Variants in RBM47 observed in about 807,000 individuals in gnomAD.
RBM47 encodes RNA binding motif protein 47.
Under a neutral mutation model 47.1 loss-of-function variants are expected in RBM47, and 21 were observed. That is an observed-to-expected ratio of 0.45 (90% CI 0.32 to 0.64). RBM47 has a LOEUF of 0.64. Among genes scored for constraint, RBM47 ranks in the 30% least tolerant of loss-of-function variants. RBM47 has a pLI of 0.05. For synonymous variants in RBM47, 375 were observed against 361.7 expected (o/e 1.04, Z -0.42); for missense variants, 708 against 870.9 (o/e 0.81, Z 2.35).
At chr4:40,595,991 C>G (rs1195721913) in intron 1 of RBM47, among the ~76,000 whole-genome samples, 1 of 152,116 alleles carries the variant, frequency 6.6e-6, no homozygotes, top group Non-Finnish European at 1.5e-5. Flanking sequence ...AGTGTGGACG[C>G]AGCCTCTCTG....
intron 1 of RBM47, among the ~76,000 whole-genome samples, chr4:40,604,700 T>C (rs1735588783): frequency 6.6e-6 from 1 of 151,638 alleles, no homozygotes; most frequent in African/African-American, 2.4e-5. Context: ...CATTTCACGA[T>C]TGCCACATGG....
chr4:40,600,125 C>T (rs1008181714), intron 1 of RBM47, among the ~76,000 whole-genome samples: 5 of 152,082 alleles, frequency 3.3e-5, no homozygotes, highest in Non-Finnish European at 7.4e-5. Context: ...CCTCCCACCT[C>T]AGCCTCCTGA....
intron 5 of RBM47, among the ~76,000 whole-genome samples, chr4:40,435,410 A>AT (rs537470325): frequency 1.8e-4 from 28 of 152,066 alleles, no homozygotes; most frequent in Non-Finnish European, 3.7e-4. Context: ...TTAGCCAGGC[A>AT]TGGTGGTGCG....
Position 40,425,852 on chromosome 4 carries a change from A to AGCGTTCCT in RBM47, c.*44_*51dup. On this transcript the variant is annotated 3_prime_UTR_variant, in exon 7 of 7. Coordinates refer to ENST00000295971, the MANE Select transcript of RBM47 (RefSeq NM_001098634.2). ...CATGTTCCTTCTTCATAAATAGTCA[A>AGCGTTCCT]GCGTTCCTTCAGTGGTGTTTGTGTG... 1 of 1,583,056 alleles carries AGCGTTCCT rather than the reference A, an allele frequency of 6.3e-7. No homozygotes were observed. The highest frequency in any genetic ancestry group is 1.1e-5 in the South Asian group (1 of 88,668).
chr4:40,436,401 T>C, intron 5 of RBM47, 40 bp downstream of exon 5: 1 of 1,581,668 alleles, frequency 6.3e-7, no homozygotes, highest in Non-Finnish European at 8.7e-7. Context: ...GGCTGGGGTT[T>C]ATGCTGAATG....
chr4:40,516,502 C>T (rs1008533964), intron 2 of RBM47, among the ~76,000 whole-genome samples: 16 of 152,078 alleles, frequency 1.1e-4, no homozygotes, highest in African/African-American at 2.4e-4. Context: ...TCAGGTGATC[C>T]GCCCGCCTTG....
In RBM47 at chr4:40,628,631, G is replaced by A. The variant is rs1473758591; in HGVS notation, c.-240+765C>T. ...TTTTAAAATCTATATTCCTGCTAAA[G>A]AAAACAGTGAGTCATTAAAATACCA... On this transcript the variant is annotated intron_variant, in intron 1 of 6. Coordinates refer to ENST00000295971, the MANE Select transcript of RBM47 (RefSeq NM_001098634.2). The surrounding 1 kb of genome is among the most constrained non-coding windows in gnomAD (Gnocchi z 4.0). Among the ~76,000 whole-genome samples, 1 of 151,574 alleles carries A rather than the reference G, an allele frequency of 6.6e-6. No homozygotes were observed. The highest frequency in any genetic ancestry group is 2.1e-4 in the South Asian group (1 of 4,798).
At chr4:40,578,445 TA>T (rs1183621272) in intron 1 of RBM47, among the ~76,000 whole-genome samples, 3 of 152,240 alleles carry the variant, frequency 2.0e-5, no homozygotes, top group Non-Finnish European at 4.4e-5. Context: ...AACTTTAAAC[TA>T]AATTTGTTGC....
At chr4:40,463,711 G>A (rs754622103) in intron 3 of RBM47, among the ~76,000 whole-genome samples, 1 of 151,100 alleles carries the variant, frequency 6.6e-6, no homozygotes, top group South Asian at 2.1e-4. Flanking sequence ...GAGGGAATAG[G>A]CTTTTATTAG....
chr4:40,551,466 A>G (rs187424380), intron 1 of RBM47, among the ~76,000 whole-genome samples: 213 of 152,234 alleles, frequency 1.4e-3, no homozygotes, highest in African/African-American at 4.8e-3. Flanking sequence ...ACAAAGAAAG[A>G]AAACAACAAA....
In RBM47 at chr4:40,423,642, CTTTCTTTCTT is replaced by C. The variant is rs1454356226; in HGVS notation, c.*2252_*2261del. ...TGCCATGTTATCATTTTTTTTTATT[CTTTCTTTCTT>C]TTTCTTTCTTTCTTTCTTTCTTTCT... is the stretch of plus-strand genomic sequence containing the variant. On this transcript the variant is annotated 3_prime_UTR_variant, in exon 7 of 7. Transcript: ENST00000295971. The C allele has an allele frequency of 8.8e-5, 13 of 147,196 alleles. No homozygotes were observed. Among genetic ancestry groups the C allele is most frequent in the Non-Finnish European group, 1.8e-4 (12 of 66,968 alleles). 9.1% of individuals were successfully genotyped at this position (147,196 alleles called of 1,614,324 possible).
In RBM47 at chr4:40,464,068, T is replaced by C. The variant is rs1717581343; in HGVS notation, c.-32+2509A>G. Reference sequence around the variant, plus strand: ...GCAAAGATTTACATTCAAATCTGTTTACTGAAGTTCTATTTATAATACAAT... The same window carrying C: ...GCAAAGATTTACATTCAAATCTGTTCACTGAAGTTCTATTTATAATACAAT... On this transcript the variant is annotated intron_variant, in intron 3 of 6. Coordinates refer to ENST00000295971, the MANE Select transcript of RBM47 (RefSeq NM_001098634.2). Among the ~76,000 whole-genome samples the C allele has an allele frequency of 2.0e-5, 3 of 152,332 alleles. No homozygotes were observed. In the South Asian group the frequency reaches 6.2e-4, roughly 32 times the overall value.
At chr4:40,428,639 C>T (rs933909918) in intron 6 of RBM47, among the ~76,000 whole-genome samples, 8 of 152,312 alleles carry the variant, frequency 5.3e-5, no homozygotes, top group Middle Eastern at 3.4e-3. Context: ...TGCTACAGGA[C>T]GGCCCAACAC....
chr4:40,540,547 G>A (rs566035403), intron 2 of RBM47, among the ~76,000 whole-genome samples: 57 of 151,350 alleles, frequency 3.8e-4, no homozygotes, highest in Admixed American at 2.3e-3. Flanking sequence ...GCTGAGGCAG[G>A]AGAATTGCTT....
chr4:40,530,491 T>C lies in RBM47; in HGVS notation c.-155+13931A>G, dbSNP rs1373651656. ...CTAATTTTTATATTTTTAGTAGAGA[T>C]AGGGTTTCACTATATTGGCCAGGCT... On this transcript the variant is annotated intron_variant, in intron 2 of 6. Transcript: ENST00000295971. Among the ~76,000 whole-genome samples the C allele has an allele frequency of 4.6e-5, 7 of 151,614 alleles. No individual in the cohort carries two copies. The East Asian group carries it at 1.2e-3, about 25-fold the overall frequency.
At chr4:40,518,642 C>G (rs1171206394) in intron 2 of RBM47, among the ~76,000 whole-genome samples, 1 of 152,142 alleles carries the variant, frequency 6.6e-6, no homozygotes, top group Non-Finnish European at 1.5e-5. Context: ...GAGCCCTTCT[C>G]TTTGCCTGAG....
intron 1 of RBM47, among the ~76,000 whole-genome samples, chr4:40,551,522 T>C (rs1057159537): frequency 1.3e-5 from 2 of 151,934 alleles, no homozygotes; most frequent in African/African-American, 4.8e-5. Context: ...CTGCATTTTA[T>C]TAACATTGGC....
chr4:40,479,890 C>T (rs148696374), intron 2 of RBM47, among the ~76,000 whole-genome samples: 1 of 152,118 alleles, frequency 6.6e-6, no homozygotes, highest in African/African-American at 2.4e-5. Context: ...CCTTGTCCTT[C>T]ACCAGGCACT....
intron 1 of RBM47, among the ~76,000 whole-genome samples, chr4:40,622,261 C>A (rs191366481): frequency 6.6e-6 from 1 of 152,166 alleles, no homozygotes; most frequent in Admixed American, 6.5e-5. Flanking sequence ...AGGATGCGGG[C>A]AGGAAGGAGG....
Sources: allele counts gnomAD v4.1 joint callset (sites outside exome capture counted in the v4.1 genomes callset), GRCh38; gene constraint gnomAD v4.1.1; non-coding constraint Gnocchi (gnomAD v3.1); transcripts MANE v1.5; gene names NCBI Gene and HGNC (gene_info 2026-07-23, HGNC 2026-07-21).